Variants in PRDM16 observed in about 807,000 individuals in gnomAD.
PRDM16 encodes PR/SET domain 16.
In PRDM16, 23 loss-of-function variants were observed where a neutral mutation model predicts 110.6. The ratio of observed to expected loss-of-function variants is 0.21; its 90% CI spans 0.15 to 0.29. The LOEUF (loss-of-function observed/expected upper bound fraction) is 0.29, where lower values mean the gene tolerates loss of function less well. Among genes scored for constraint, PRDM16 ranks in the 10% least tolerant of loss-of-function variants. The pLI, the probability that PRDM16 is intolerant of heterozygous loss-of-function variation, is 1.00. For missense variants in PRDM16, 1,615 were observed against 1,794.3 expected (o/e 0.90, Z 1.81); for synonymous variants, 799 against 781.8 (o/e 1.02, Z -0.37).
chr1:3,351,195 G>A (rs2100535754), intron 3 of PRDM16, among the ~76,000 whole-genome samples: 1 of 152,242 alleles, frequency 6.6e-6, no homozygotes, highest in East Asian at 1.9e-4. Flanking sequence ...CCGGCCCCTG[G>A]CCAGTGCCAG....
intron 1 of PRDM16, among the ~76,000 whole-genome samples, chr1:3,180,989 T>C (rs1308117813): frequency 1.0e-4 from 14 of 134,110 alleles, no homozygotes; most frequent in Admixed American, 4.4e-4. Context: ...CACGCAGTCT[T>C]ACACACGATC....
chr1:3,086,378 G>A (rs921505738), intron 1 of PRDM16, among the ~76,000 whole-genome samples: 6 of 152,172 alleles, frequency 3.9e-5, no homozygotes, highest in Admixed American at 3.9e-4. Context: ...ATGCAGGGAT[G>A]GGCTCTGAGT....
At chr1:3,181,102 TCTTACAC>T (rs1557507936) in intron 1 of PRDM16, among the ~76,000 whole-genome samples, 28 of 22,630 alleles carry the variant, frequency 1.2e-3, no homozygotes, top group Non-Finnish European at 3.2e-3. Flanking sequence ...ACACACGCAG[TCTTACAC>T]GCGGCCTTAC....
intron 1 of PRDM16, among the ~76,000 whole-genome samples, chr1:3,086,282 G>A (rs914565972): frequency 7.9e-5 from 12 of 152,084 alleles, no homozygotes; most frequent in African/African-American, 2.9e-4. Context: ...CTCTGCCCTG[G>A]GCGCACCTGC....
At chr1:3,344,448 A>G (rs1265878021) in intron 3 of PRDM16, among the ~76,000 whole-genome samples, 1 of 152,168 alleles carries the variant, frequency 6.6e-6, no homozygotes, top group East Asian at 1.9e-4. Flanking sequence ...CATTGTGATT[A>G]CCTTTGCCTT....
chr1:3,373,647 G>A (rs1036749764), intron 3 of PRDM16, among the ~76,000 whole-genome samples: 2 of 152,202 alleles, frequency 1.3e-5, no homozygotes, highest in African/African-American at 2.4e-5. Flanking sequence ...CAGGACAGAC[G>A]CGGGACCTGG....
rs1458087370 is a variant in PRDM16, at chr1:3,417,977, C to A, written c.2841C>A (p.Gly947=). The A allele has an allele frequency of 1.4e-5, 22 of 1,609,540 alleles. No individual in the cohort carries two copies. Among genetic ancestry groups the A allele is most frequent in the Non-Finnish European group, 1.8e-5 (21 of 1,178,556 alleles). ...TCTCCGACCCCATCCTCAGGAAGGG[C>A]AAGGAGCGATACACGTGCAGGTGAG... ...PTLSDPILRK[G]KERYTCRYCG... is the part of the protein sequence containing the mutation. The change falls in exon 11 of 17, where the codon GGC becomes GGA. Residue 947 remains glycine, a synonymous_variant. Coordinates refer to ENST00000270722, the MANE Select transcript of PRDM16 (RefSeq NM_022114.4).
intron 2 of PRDM16, among the ~76,000 whole-genome samples, chr1:3,241,492 C>T (rs180800493): frequency 6.6e-6 from 1 of 152,344 alleles, no homozygotes; most frequent in Non-Finnish European, 1.5e-5. Context: ...CACCTCCTGA[C>T]GCCACACGGT....
chr1:3,119,284 C>G (rs1274807845), intron 1 of PRDM16, among the ~76,000 whole-genome samples: 1 of 152,250 alleles, frequency 6.6e-6, no homozygotes, highest in East Asian at 1.9e-4. Context: ...TCGGCCGGTG[C>G]CGTGGACATT....
chr1:3,201,883 T>A lies in PRDM16; in HGVS notation c.387+15409T>A, dbSNP rs975816085. ...CCAGATCCCACATGAGCTTAGGCGC[T>A]GACTCCACCTCTCGGAGGGACCTCC... On this transcript the variant is annotated intron_variant, in intron 2 of 16. Transcript: ENST00000270722. The surrounding 1 kb of genome is among the most constrained non-coding windows in gnomAD (Gnocchi z 4.1). 1.3e-5 allele frequency among the ~76,000 whole-genome samples: 2 copies of A among 152,210 alleles called. No homozygotes were observed. Among genetic ancestry groups the A allele is most frequent in the East Asian group, 3.9e-4 (2 of 5,184 alleles).
intron 2 of PRDM16, among the ~76,000 whole-genome samples, chr1:3,196,317 C>G (rs1190826742): frequency 6.6e-6 from 1 of 152,258 alleles, no homozygotes; most frequent in African/African-American, 2.4e-5. Context: ...GTCCCTGACC[C>G]AGCCGGGCCC....
rs1451497819 is a variant in PRDM16, at chr1:3,385,149, C to G, written c.439-3C>G. 5 of 1,613,480 alleles carry G rather than the reference C, an allele frequency of 3.1e-6. No individual in the cohort carries two copies. The highest frequency in any genetic ancestry group is 4.2e-6 in the Non-Finnish European group (5 of 1,180,026). ...GACTCCCGCTTCGCTTTCCTCCCAG[C>G]AGATCTCCGAAGACCTGGGCAGTGA... On this transcript the variant is annotated splice_polypyrimidine_tract_variant and splice_region_variant and intron_variant, in intron 3 of 16. Transcript: ENST00000270722.
At chr1:3,288,265 G>C (rs74050833) in intron 3 of PRDM16, among the ~76,000 whole-genome samples, 87 of 152,312 alleles carry the variant, frequency 5.7e-4, no homozygotes, top group Middle Eastern at 3.4e-3. Context: ...AAGCAGCTGA[G>C]ACCTAGGGGC....
intron 3 of PRDM16, among the ~76,000 whole-genome samples, chr1:3,326,829 G>T (rs1057438386): frequency 6.6e-6 from 1 of 152,242 alleles, no homozygotes; most frequent in East Asian, 1.9e-4. Context: ...TTGTCTCAGG[G>T]TCAGGAACAG....
intron 16 of PRDM16, 35 bp downstream of exon 16, chr1:3,432,175 C>T (rs1478007063): frequency 1.9e-6 from 3 of 1,591,780 alleles, no homozygotes; most frequent in Non-Finnish European, 2.6e-6. Flanking sequence ...CCCACCCCAC[C>T]TGGCCTCCTC....
At chr1:3,332,787 C>A (rs574191225) in intron 3 of PRDM16, among the ~76,000 whole-genome samples, 2 of 151,998 alleles carry the variant, frequency 1.3e-5, no homozygotes, top group East Asian at 1.9e-4. Context: ...TCTCCTCCGC[C>A]CATCCCCCCA....
Position 3,274,985 on chromosome 1 carries a change from T to C in PRDM16, c.438+30848T>C, listed in dbSNP as rs551036134. 8.2e-4 allele frequency among the ~76,000 whole-genome samples: 125 copies of C among 152,238 alleles called. 1 individual carries two copies. Among genetic ancestry groups the C allele is most frequent in the African/African-American group, 3.0e-3 (124 of 41,538 alleles). ...CTTGCTCGAGATTTGAGAAGGGTGTTGTGAATGCTTGCCATGTACCGACAG... is the reference window on the plus strand; with the variant it reads ...CTTGCTCGAGATTTGAGAAGGGTGTCGTGAATGCTTGCCATGTACCGACAG... On this transcript the variant is annotated intron_variant, in intron 3 of 16. Coordinates refer to ENST00000270722, the MANE Select transcript of PRDM16 (RefSeq NM_022114.4).
At position 3,229,198 on chromosome 1, in the gene PRDM16, G is replaced by A. The variant is rs116220902; in HGVS notation, c.388-14889G>A. On this transcript the variant is annotated intron_variant, in intron 2 of 16. Coordinates refer to ENST00000270722, the MANE Select transcript of PRDM16 (RefSeq NM_022114.4). ...ATGGCGAGAGGAAGGCGCCTCTTCCGCTACTGACTGGTGGATATTCCCCCA... is the reference window on the plus strand; with the variant it reads ...ATGGCGAGAGGAAGGCGCCTCTTCCACTACTGACTGGTGGATATTCCCCCA... Among the ~76,000 whole-genome samples, 1,054 of 152,258 alleles carry A rather than the reference G, an allele frequency of 6.9e-3. 11 individuals are homozygous for A. The highest frequency in any genetic ancestry group is 0.034 in the South Asian group (165 of 4,820).
At position 3,159,110 on chromosome 1, in the gene PRDM16, C is replaced by T. The variant is rs374633974; in HGVS notation, c.38-27015C>T. Among the ~76,000 whole-genome samples, 15 of 152,328 alleles carry T rather than the reference C, an allele frequency of 9.8e-5. No individual in the cohort carries two copies. In the East Asian group the frequency reaches 1.4e-3, roughly 14 times the overall value. On this transcript the variant is annotated intron_variant, in intron 1 of 16. Coordinates refer to ENST00000270722, the MANE Select transcript of PRDM16 (RefSeq NM_022114.4). ...GAAGTATGGAAAGTGAGCCCCTGATCGGTATTCCGCCAGGGACAGCCTTGA... is the reference window on the plus strand; with the variant it reads ...GAAGTATGGAAAGTGAGCCCCTGATTGGTATTCCGCCAGGGACAGCCTTGA...
Sources: gnomAD v4.1 joint callset for allele counts (sites outside exome capture counted in the v4.1 genomes callset) on GRCh38, gnomAD v4.1.1 for gene constraint, Gnocchi (gnomAD v3.1) non-coding constraint, MANE v1.5 for transcripts, NCBI Gene and HGNC (gene_info 2026-07-23, HGNC 2026-07-21) for gene names.